TRPM7: variants seen among roughly 807,000 people sequenced by gnomAD.
TRPM7 encodes the protein transient receptor potential cation channel subfamily M member 7.
In TRPM7, 134 loss-of-function variants were observed where a neutral mutation model predicts 229.7. The ratio of observed to expected loss-of-function variants is 0.58; its 90% CI spans 0.51 to 0.67. TRPM7 has a LOEUF of 0.67. Ranked by LOEUF, TRPM7 falls within the 30% of genes least tolerant of loss-of-function variation. The pLI is 0.00. For synonymous variants in TRPM7, 699 were observed against 715.2 expected (o/e 0.98, Z 0.36); for missense variants, 1,901 against 2,210.0 (o/e 0.86, Z 2.80).
At chr15:50,602,275 T>C (rs775642450) in intron 21 of TRPM7, among the ~76,000 whole-genome samples, 14 of 152,022 alleles carry the variant, frequency 9.2e-5, no homozygotes, top group African/African-American at 1.9e-4. Context: ...GAGCAAACTA[T>C]TGCAAGGACA....
At chr15:50,685,657 T>C (rs1427128503) in intron 1 of TRPM7, among the ~76,000 whole-genome samples, 1 of 152,248 alleles carries the variant, frequency 6.6e-6, no homozygotes, top group African/African-American at 2.4e-5. Flanking sequence ...ATTCAAGTAC[T>C]GACCAAAAAT....
chr15:50,662,038 T>C (rs2061737695), intron 2 of TRPM7, among the ~76,000 whole-genome samples: 1 of 152,068 alleles, frequency 6.6e-6, no homozygotes, highest in South Asian at 2.1e-4. Context: ...GCCAACATAG[T>C]AAAACCCTGT....
intron 1 of TRPM7, among the ~76,000 whole-genome samples, chr15:50,670,207 A>T (rs745421934): frequency 6.6e-6 from 1 of 151,968 alleles, no homozygotes; most frequent in Admixed American, 6.6e-5. Flanking sequence ...TCCCTCTACA[A>T]CCCTTAGGAT....
At chr15:50,676,464 A>G (rs1415396716) in intron 1 of TRPM7, among the ~76,000 whole-genome samples, 2 of 152,140 alleles carry the variant, frequency 1.3e-5, no homozygotes, top group Non-Finnish European at 2.9e-5. Context: ...CACACCTGTA[A>G]TCCTAGCACT....
chr15:50,611,431 T>A, intron 16 of TRPM7, 110 bp from the exon 17 acceptor site: 1 of 797,100 alleles, frequency 1.3e-6, no homozygotes, highest in Non-Finnish European at 2.0e-6. Flanking sequence ...CACACACACT[T>A]ACAGAATTAT....
intron 1 of TRPM7, among the ~76,000 whole-genome samples, chr15:50,665,896 G>A (rs1596335646): frequency 1.3e-5 from 2 of 152,154 alleles, no homozygotes; most frequent in East Asian, 1.9e-4. Context: ...GAGAGACTGA[G>A]GCAGGAGAAC....
chr15:50,584,913 T>C (rs921696961), intron 28 of TRPM7, among the ~76,000 whole-genome samples: 13 of 152,094 alleles, frequency 8.5e-5, no homozygotes, highest in African/African-American at 2.7e-4. Context: ...CCCATTCCCA[T>C]TGCACAGGCT....
intron 38 of TRPM7, among the ~76,000 whole-genome samples, chr15:50,569,079 TCTCA>T (rs2053749973): frequency 1.3e-5 from 2 of 151,848 alleles, no homozygotes; most frequent in Admixed American, 1.3e-4. Context: ...AGAGACAGGG[TCTCA>T]CTATGTTGCC....
At chr15:50,605,216 A>G in intron 20 of TRPM7, 72 bp from the exon 21 acceptor site, 8 of 1,210,312 alleles carry the variant, frequency 6.6e-6, no homozygotes, top group Non-Finnish European at 8.0e-6. Context: ...GCATTCAACT[A>G]TAACATTACA....
intron 31 of TRPM7, 32 bp downstream of exon 31, chr15:50,578,607 T>C (rs1400973391): frequency 6.2e-7 from 1 of 1,604,074 alleles, no homozygotes; most frequent in African/African-American, 1.3e-5. Flanking sequence ...GATTCTCATT[T>C]TTTTCACGTT....
intron 5 of TRPM7, among the ~76,000 whole-genome samples, 161 bp downstream of exon 5, chr15:50,643,179 C>A (rs1205520004): frequency 6.6e-6 from 1 of 152,106 alleles, no homozygotes; most frequent in East Asian, 1.9e-4. Flanking sequence ...ATCCCAGCTA[C>A]TCTGGAGGCT....
chr15:50,589,654 G>A lies in TRPM7; in HGVS notation c.4327C>T (p.His1443Tyr). The A allele has an allele frequency of 5.1e-6, 8 of 1,581,530 alleles. No individual in the cohort carries two copies. The highest frequency in any genetic ancestry group is 6.9e-6 in the Non-Finnish European group (8 of 1,163,150). ...CTCTGTAAATCCATGCTATCTCTGT[G>A]TCCTTTAATAGAAAAAAAGATGTTG... ...DNTEFGAFVGHRDSMDLQRFK... is the reference protein window; with the variant it reads ...DNTEFGAFVGYRDSMDLQRFK... Residue 1443 changes from histidine to tyrosine, a missense_variant and splice_region_variant, in exon 27 of 39, where the codon CAC (histidine) becomes TAC (tyrosine). Physicochemically the swap from His to Tyr is moderately conservative, Grantham distance 83 (BLOSUM62 2). Around this residue, in one of 8 missense-constraint regions of TRPM7, gnomAD observed 533 missense variants for 497.1 expected, o/e 1.07. Coordinates refer to ENST00000646667, the MANE Select transcript of TRPM7 (RefSeq NM_017672.6).
chr15:50,631,724 A>T (rs1415128114), intron 9 of TRPM7, among the ~76,000 whole-genome samples: 4 of 152,152 alleles, frequency 2.6e-5, no homozygotes, highest in Admixed American at 2.6e-4. Context: ...TACTAAATAA[A>T]ATGGCAAATA....
At chr15:50,570,043 T>C in intron 37 of TRPM7, 50 bp from the exon 38 acceptor site, 1 of 1,592,006 alleles carries the variant, frequency 6.3e-7, no homozygotes, top group Non-Finnish European at 8.6e-7. Context: ...GGGGGCAGTT[T>C]ATACAGGTAC....
At chr15:50,593,826 AT>A in intron 24 of TRPM7, 77 bp from the exon 25 acceptor site, 3 of 1,436,464 alleles carry the variant, frequency 2.1e-6, no homozygotes, top group Non-Finnish European at 2.8e-6. Flanking sequence ...CTTACGAATT[AT>A]TCAGGGTTTC....
intron 21 of TRPM7, among the ~76,000 whole-genome samples, chr15:50,600,436 TAAAA>T (rs894855873): frequency 7.7e-6 from 1 of 130,110 alleles, no homozygotes. Flanking sequence ...GACTCCATCT[TAAAA>T]AAAAAAAAAA....
chr15:50,684,169 C>G (rs1203028336), intron 1 of TRPM7, among the ~76,000 whole-genome samples: 1 of 141,424 alleles, frequency 7.1e-6, no homozygotes, highest in African/African-American at 2.6e-5. Context: ...TTTTTTTTTT[C>G]TGAGACAGAG....
At chr15:50,664,330 TGATA>T (rs966776622) in intron 1 of TRPM7, among the ~76,000 whole-genome samples, 7 of 128,270 alleles carry the variant, frequency 5.5e-5, no homozygotes, top group Admixed American at 5.3e-4. Context: ...AAAAAAAAAG[TGATA>T]GATTGATAAA....
intron 3 of TRPM7, among the ~76,000 whole-genome samples, chr15:50,655,061 T>C (rs1381355865): frequency 1.1e-5 from 1 of 87,222 alleles, no homozygotes; most frequent in African/African-American, 4.0e-5. Context: ...AAATGGAGAA[T>C]GTAGAAATAA....
Sources: allele counts gnomAD v4.1 joint callset (sites outside exome capture counted in the v4.1 genomes callset), GRCh38; gene constraint gnomAD v4.1.1; regional missense constraint gnomAD v4.1.1; transcripts MANE v1.5; gene names NCBI Gene and HGNC (gene_info 2026-07-23, HGNC 2026-07-21).